The following NDST4 variants were observed in gnomAD, a reference collection of about 807,000 sequenced individuals.
The protein encoded by NDST4 is N-deacetylase and N-sulfotransferase 4.
In NDST4, 63 loss-of-function variants were observed where a neutral mutation model predicts 100.8. That is an observed-to-expected ratio of 0.62 (90% CI 0.51 to 0.77). The LOEUF is 0.77. NDST4 is among the 30% of genes least tolerant of loss of function. The pLI is 0.00. For missense variants in NDST4, 943 were observed against 1,018.4 expected (o/e 0.93, Z 1.01); for synonymous variants, 377 against 361.8 (o/e 1.04, Z -0.48).
At chr4:115,080,794 A>T (rs779141370) in intron 1 of NDST4, among the ~76,000 whole-genome samples, 6 of 152,050 alleles carry the variant, frequency 3.9e-5, no homozygotes, top group Non-Finnish European at 7.4e-5. Context: ...AAGCTCACAT[A>T]TTTAATTTAA....
intron 12 of NDST4, among the ~76,000 whole-genome samples, chr4:114,830,974 G>A (rs1723183731): frequency 6.6e-6 from 1 of 152,164 alleles, no homozygotes; most frequent in Non-Finnish European, 1.5e-5. Flanking sequence ...AGTTGTCCTA[G>A]TACATGTTGT....
chr4:114,833,631 G>A lies in NDST4; in HGVS notation c.2371C>T (p.Arg791Cys), dbSNP rs1190760162. The change falls in exon 12 of 14, where the codon CGT becomes TGT. Residue 791 changes from arginine (R) to cysteine (C), a missense_variant. Arg to Cys is a radical substitution (Grantham distance 180). Around this residue, in one of 2 missense-constraint regions of NDST4, gnomAD observed 526 missense variants for 634.1 expected, o/e 0.83. Coordinates refer to ENST00000264363, the MANE Select transcript of NDST4 (RefSeq NM_022569.3). ...GTTAGTGCTTCAGAGTAATTATAAC[G>A]AGGTGTAACTCCCAGAAACTTCTGG... is the stretch of plus-strand genomic sequence containing the variant. ...EVQKFLGVTP[R>C]YNYSEALTFD... 4 of 1,611,042 alleles carry A rather than the reference G, an allele frequency of 2.5e-6. No individual in the cohort carries two copies. Among genetic ancestry groups the A allele is most frequent in the Admixed American group, 1.7e-5 (1 of 59,876 alleles).
intron 4 of NDST4, among the ~76,000 whole-genome samples, chr4:114,961,896 G>A (rs1444801725): frequency 6.6e-6 from 1 of 152,000 alleles, no homozygotes; most frequent in African/African-American, 2.4e-5. Flanking sequence ...AAAAAGAAAT[G>A]TGCAGACCAG....
intron 2 of NDST4, among the ~76,000 whole-genome samples, chr4:114,984,699 C>T (rs1484929322): frequency 6.6e-6 from 1 of 151,976 alleles, no homozygotes; most frequent in Non-Finnish European, 1.5e-5. Flanking sequence ...AAGAAGAAGA[C>T]CAAAATTGAC....
intron 2 of NDST4, among the ~76,000 whole-genome samples, chr4:115,022,473 G>GTGTTCCATATATA (rs1727876746): frequency 1.1e-4 from 7 of 63,332 alleles, no homozygotes; most frequent in African/African-American, 2.2e-4. Flanking sequence ...CCATATATAT[G>GTGTTCCATATATA]TGTTCCATAT....
intron 2 of NDST4, among the ~76,000 whole-genome samples, chr4:115,067,670 T>G (rs1728978864): frequency 6.6e-6 from 1 of 152,180 alleles, no homozygotes; most frequent in African/African-American, 2.4e-5. Flanking sequence ...GGAATTTTTT[T>G]CAGATATTTA....
intron 2 of NDST4, among the ~76,000 whole-genome samples, chr4:115,037,861 A>T (rs74338943): frequency 1.3e-5 from 2 of 152,182 alleles, no homozygotes; most frequent in Admixed American, 1.3e-4. Context: ...AGAAGAAAAA[A>T]ACTGTGAGTA....
At chr4:114,849,636 T>C in intron 8 of NDST4, among the ~76,000 whole-genome samples, 1 of 152,088 alleles carries the variant, frequency 6.6e-6, no homozygotes, top group East Asian at 1.9e-4. Context: ...ACCACCTTGA[T>C]GGAAGACATG....
intron 6 of NDST4, among the ~76,000 whole-genome samples, chr4:114,899,845 C>T (rs1042597073): frequency 6.6e-6 from 1 of 152,012 alleles, no homozygotes; most frequent in Non-Finnish European, 1.5e-5. Flanking sequence ...AAATGATGGC[C>T]TTATTAAATG....
At chr4:114,941,216 G>C (rs1048009505) in intron 4 of NDST4, among the ~76,000 whole-genome samples, 1 of 152,188 alleles carries the variant, frequency 6.6e-6, no homozygotes, top group Non-Finnish European at 1.5e-5. Flanking sequence ...CAGAGGCTCA[G>C]AGAAGGCATG....
chr4:114,870,006 C>A (rs545127275), intron 7 of NDST4, among the ~76,000 whole-genome samples: 1 of 152,082 alleles, frequency 6.6e-6, no homozygotes, highest in Non-Finnish European at 1.5e-5. Context: ...CTTTCTCAGC[C>A]GACTGCTTGG....
chr4:114,960,607 T>C (rs1726241111), intron 4 of NDST4, among the ~76,000 whole-genome samples: 1 of 152,116 alleles, frequency 6.6e-6, no homozygotes, highest in African/African-American at 2.4e-5. Context: ...ATTACGTATT[T>C]ATGGAAGACG....
intron 2 of NDST4, among the ~76,000 whole-genome samples, chr4:115,059,354 T>C (rs1728769487): frequency 1.3e-5 from 2 of 152,078 alleles, no homozygotes; most frequent in Non-Finnish European, 2.9e-5. Flanking sequence ...TTTGTAGACA[T>C]GCAAAATATC....
In NDST4 at chr4:115,053,115, G is replaced by C. The variant is rs139772095; in HGVS notation, c.978+22944C>G. On this transcript the variant is annotated intron_variant, in intron 2 of 13. Transcript: ENST00000264363. ...ATGGAAGCACCACAATATGTTATGGGAGACATAATGTATTGACTGAAAGTA... is the reference window on the plus strand; with the variant it reads ...ATGGAAGCACCACAATATGTTATGGCAGACATAATGTATTGACTGAAAGTA... 3.5e-3 allele frequency among the ~76,000 whole-genome samples: 528 copies of C among 152,256 alleles called. 3 individuals are homozygous for C. The highest frequency in any genetic ancestry group is 6.3e-3 in the Non-Finnish European group (428 of 68,008).
intron 6 of NDST4, among the ~76,000 whole-genome samples, chr4:114,893,337 T>C (rs998124584): frequency 1.1e-4 from 16 of 152,206 alleles, no homozygotes; most frequent in African/African-American, 3.6e-4. Flanking sequence ...TCCACAATGG[T>C]TGAACTAATT....
intron 1 of NDST4, among the ~76,000 whole-genome samples, chr4:115,088,699 GC>G (rs1306702198): frequency 6.6e-6 from 1 of 151,746 alleles, no homozygotes; most frequent in Admixed American, 6.6e-5. Context: ...TCAGAGTCAA[GC>G]TTTTTGAGAG....
At chr4:114,945,208 C>CAAAAAAA (rs1173970826) in intron 4 of NDST4, among the ~76,000 whole-genome samples, 87 of 53,686 alleles carry the variant, frequency 1.6e-3, no homozygotes, top group East Asian at 4.4e-3. Flanking sequence ...AACTCCGTCT[C>CAAAAAAA]AAAAAAAAAA....
At chr4:115,107,325 G>GT (rs893334167) in intron 1 of NDST4, among the ~76,000 whole-genome samples, 13 of 152,112 alleles carry the variant, frequency 8.5e-5, no homozygotes, top group East Asian at 1.9e-4. Context: ...AAACTGATTA[G>GT]TTTTTTTACT....
Position 115,008,269 on chromosome 4 carries a change from C to A in NDST4, c.979-30995G>T, listed in dbSNP as rs1314064783. On this transcript the variant is annotated intron_variant, in intron 2 of 13. Transcript: ENST00000264363. ...ATTATGATGTTAGCTGGTTATTTTG[C>A]TCTTTAGTTGATGCAGTTTCTTCCT... 1.5e-5 allele frequency among the ~76,000 whole-genome samples: 2 copies of A among 129,186 alleles called. 1 individual carries two copies. The highest frequency in any genetic ancestry group is 5.9e-5 in the African/African-American group (2 of 34,016). 84.8% of individuals were successfully genotyped at this position (129,186 alleles called of 152,430 possible).
Sources: gnomAD v4.1 joint callset for allele counts (sites outside exome capture counted in the v4.1 genomes callset) on GRCh38, gnomAD v4.1.1 for gene constraint, gnomAD v4.1.1 regional missense constraint, MANE v1.5 for transcripts, NCBI Gene and HGNC (gene_info 2026-07-23, HGNC 2026-07-21) for gene names.